The following PIP5K1C variants were observed in gnomAD, a reference collection of about 807,000 sequenced individuals.
PIP5K1C encodes phosphatidylinositol 4-phosphate 5-kinase type-1 gamma.
In PIP5K1C, 45 loss-of-function variants were observed where a neutral mutation model predicts 80.1. The ratio of observed to expected loss-of-function variants is 0.56; its 90% CI spans 0.44 to 0.72. The LOEUF (loss-of-function observed/expected upper bound fraction) is 0.72. PIP5K1C is among the 30% of genes least tolerant of loss of function. The pLI is 0.00. For synonymous variants in PIP5K1C, 498 were observed against 420.1 expected (o/e 1.19, Z -2.27); for missense variants, 753 against 954.6 (o/e 0.79, Z 2.78).
chr19:3,688,456 C>A lies in PIP5K1C; in HGVS notation c.94+11841G>T, dbSNP rs1367025957. Among the ~76,000 whole-genome samples the A allele has an allele frequency of 1.3e-5, 2 of 152,102 alleles. No individual in the cohort carries two copies. Among genetic ancestry groups the A allele is most frequent in the Non-Finnish European group, 1.5e-5 (1 of 67,996 alleles). On this transcript the variant is annotated intron_variant, in intron 1 of 17. Coordinates refer to ENST00000335312, the MANE Select transcript of PIP5K1C (RefSeq NM_012398.3). This position sits in a 1 kb window ranked among gnomAD's most constrained non-coding sequence, Gnocchi z 5.3. ...CCGGAAGGCTATTTCCAGGGCAGCA[C>A]CCCCAGGACTCTGGGGCACACACGT...
At position 3,641,855 on chromosome 19, in the gene PIP5K1C, C is replaced by T. The variant is rs193166807; in HGVS notation, c.1683-46G>A. On this transcript the variant is annotated intron_variant, in intron 14 of 17. Coordinates refer to ENST00000335312, the MANE Select transcript of PIP5K1C (RefSeq NM_012398.3). ...TGCCTCGGTTTCCCTCCTCACTTCCCCCATCCTACCCCCAGGAGTGCCCAG... is the reference window on the plus strand; with the variant it reads ...TGCCTCGGTTTCCCTCCTCACTTCCTCCATCCTACCCCCAGGAGTGCCCAG... 3.8e-5 allele frequency: 56 copies of T among 1,479,988 alleles called. No homozygotes were observed. In the East Asian group the frequency reaches 1.1e-3, roughly 29 times the overall value. 91.7% of individuals were successfully genotyped at this position (1,479,988 alleles called of 1,614,324 possible).
intron 13 of PIP5K1C, 123 bp downstream of exon 13, chr19:3,643,120 A>ATCCACCGTACATACGATGC: frequency 6.8e-7 from 1 of 1,479,930 alleles, no homozygotes; most frequent in South Asian, 1.1e-5. Flanking sequence ...GTGTATGTAC[A>ATCCACCGTACATACGATGC]TCCACCGTAC....
chr19:3,693,295 G>A (rs1006554542), intron 1 of PIP5K1C, among the ~76,000 whole-genome samples: 9 of 152,162 alleles, frequency 5.9e-5, no homozygotes, highest in Non-Finnish European at 1.2e-4. Flanking sequence ...GGGTGCTGGG[G>A]TCCTCTCTTC....
intron 1 of PIP5K1C, among the ~76,000 whole-genome samples, chr19:3,698,951 A>G (rs1274627840): frequency 6.7e-5 from 1 of 14,890 alleles, no homozygotes; most frequent in Admixed American, 4.9e-4. Flanking sequence ...CCACCCCCCC[A>G]CTCCCCCGCT....
chr19:3,657,194 G>A (rs554381591), intron 5 of PIP5K1C, among the ~76,000 whole-genome samples: 1 of 152,210 alleles, frequency 6.6e-6, no homozygotes, highest in South Asian at 2.1e-4. Context: ...CTCAGCCCCT[G>A]CTGTTTGTTT....
Position 3,632,110 on chromosome 19 carries a change from C to CA in PIP5K1C, c.*1056dup, listed in dbSNP as rs1044064607. On this transcript the variant is annotated 3_prime_UTR_variant, in exon 18 of 18. Coordinates refer to ENST00000335312, the MANE Select transcript of PIP5K1C (RefSeq NM_012398.3). ...CTCTTGGAGGGTGATGAGTCGGAAA[C>CA]AAAGTCTTCTCTCCCCTCCTCGGAG... 6.6e-6 allele frequency: 1 copy of CA among 152,310 alleles called. No homozygotes were observed. Among genetic ancestry groups the CA allele is most frequent in the Non-Finnish European group, 1.5e-5 (1 of 68,078 alleles). The allele number at this position is 152,310 out of a possible 1,614,324, so 9.4% of individuals were successfully genotyped here.
In PIP5K1C at chr19:3,688,967, C is replaced by G. The variant is rs567771793; in HGVS notation, c.94+11330G>C. Among the ~76,000 whole-genome samples, 5,166 of 151,130 alleles carry G rather than the reference C, an allele frequency of 0.034. 144 individuals are homozygous for G. Among genetic ancestry groups the G allele is most frequent in the Non-Finnish European group, 0.049 (3,323 of 67,892 alleles). On this transcript the variant is annotated intron_variant, in intron 1 of 17. Transcript: ENST00000335312. This position sits in a 1 kb window ranked among gnomAD's most constrained non-coding sequence, Gnocchi z 5.3. ...GGATGGGGCTGGGGGGTGGGGGGGG[C>G]TTGGCGCACGCGGCCTATGGTCTGT... is the stretch of plus-strand genomic sequence containing the variant.
chr19:3,651,966 G>T lies in PIP5K1C; in HGVS notation c.987C>A (p.His329Gln). Residue 329 changes from histidine to glutamine, a missense_variant, in exon 8 of 18, where the codon CAC becomes CAA. Transcript: ENST00000335312. Reference protein sequence around the residue: ...LLLGVHNIDQHERERQAQGAQ... With the variant: ...LLLGVHNIDQQERERQAQGAQ... The stretch of plus-strand genomic sequence containing the variant: ...CGCCCTGCGCCTGCCGCTCGCGCTC[G>T]TGCTGGTCGATGTTGTGCACGCCCA... 1.9e-6 allele frequency: 3 copies of T among 1,613,106 alleles called. No homozygotes were observed. The highest frequency in any genetic ancestry group is 2.5e-6 in the Non-Finnish European group (3 of 1,179,972).
chr19:3,637,848 C>G lies in PIP5K1C; in HGVS notation c.1920+1036G>C. 3 of 1,535,412 alleles carry G rather than the reference C, an allele frequency of 2.0e-6. 1 individual carries two copies. The East Asian group carries it at 7.3e-5, about 38-fold the overall frequency. On this transcript the variant is annotated intron_variant, in intron 16 of 17. Coordinates refer to ENST00000335312, the MANE Select transcript of PIP5K1C (RefSeq NM_012398.3). This position sits in a 1 kb window ranked among gnomAD's most constrained non-coding sequence, Gnocchi z 7.0. ...ATCAGGACACAGACACACAGCACGA[C>G]ATGGCCCCCAGGCCCCCCGTACCAT... is the stretch of plus-strand genomic sequence containing the variant.
chr19:3,646,918 G>A (rs1391597567), intron 10 of PIP5K1C, among the ~76,000 whole-genome samples: 1 of 151,928 alleles, frequency 6.6e-6, no homozygotes, highest in African/African-American at 2.4e-5. Context: ...GAGGAAGGAT[G>A]GGAGGAGGGG....
chr19:3,656,591 A>C (rs373256178), intron 5 of PIP5K1C, 34 bp from the exon 6 acceptor site: 1 of 1,611,862 alleles, frequency 6.2e-7, no homozygotes, highest in African/African-American at 1.3e-5. Context: ...GCGGGCCCCA[A>C]GCTGCCGGAC....
rs1398094848 is a variant in PIP5K1C at position 3,633,473 on chromosome 19, G to A, written c.1968C>T (p.Ala656=). ...CGCCGTCGGAGGCCGGGGGGGCCTG[G>A]GCGCTATAGTGGAGCGGGGAGTACA... ...SWVYSPLHYS[A]QAPPASDGES... is the part of the protein sequence containing the mutation. The change falls in exon 17 of 18, where the codon GCC becomes GCT. Residue 656 remains alanine (A), a synonymous_variant. Transcript: ENST00000335312. 7.9e-6 allele frequency: 12 copies of A among 1,515,548 alleles called. No individual in the cohort carries two copies. Among genetic ancestry groups the A allele is most frequent in the East Asian group, 2.3e-5 (1 of 43,190 alleles). The allele number at this position is 1,515,548 out of a possible 1,614,324, so 93.9% of individuals were successfully genotyped here.
In PIP5K1C at chr19:3,642,831, G is replaced by C. The variant is rs536680802; in HGVS notation, c.1682+76C>G. On this transcript the variant is annotated intron_variant, in intron 14 of 17. Coordinates refer to ENST00000335312, the MANE Select transcript of PIP5K1C (RefSeq NM_012398.3). ...GAATGGGCAGAGAGCAGAGGGGCTGGGGGGCGGGAAACGGAGCTGGGAGCT... is the reference window on the plus strand; with the variant it reads ...GAATGGGCAGAGAGCAGAGGGGCTGCGGGGCGGGAAACGGAGCTGGGAGCT... 44 of 1,183,846 alleles carry C rather than the reference G, an allele frequency of 3.7e-5. No homozygotes were observed. The South Asian group carries it at 5.0e-4, about 13-fold the overall frequency. The allele number at this position is 1,183,846 out of a possible 1,614,324, so 73.3% of individuals were successfully genotyped here.
At chr19:3,665,060 G>A (rs74471407) in intron 2 of PIP5K1C, 146 bp from the exon 3 acceptor site, 35,485 of 731,898 alleles carry the variant, frequency 0.048, 1,432 homozygotes, top group East Asian at 0.16. Context: ...CGACTCCGGG[G>A]TGCAGCAGGA....
intron 14 of PIP5K1C, among the ~76,000 whole-genome samples, 200 bp downstream of exon 14, chr19:3,642,707 G>C (rs561404957): frequency 6.6e-6 from 1 of 152,128 alleles, no homozygotes; most frequent in South Asian, 2.1e-4. Context: ...CCACAGACCA[G>C]AGCTGCCCTG....
In PIP5K1C at chr19:3,659,545, T is replaced by C. The variant is rs977431688; in HGVS notation, c.468+1421A>G. ...TTCCTGGCCGCCTCACACGGTAGCG[T>C]CCAGGTCACCCGAGGGCCATTTCTA... is the stretch of plus-strand genomic sequence containing the variant. On this transcript the variant is annotated intron_variant, in intron 5 of 17. Transcript: ENST00000335312. Among the ~76,000 whole-genome samples, 5 of 152,264 alleles carry C rather than the reference T, an allele frequency of 3.3e-5. No individual in the cohort carries two copies. The East Asian group carries it at 9.7e-4, about 29-fold the overall frequency.
In PIP5K1C at chr19:3,653,285, C is replaced by T. The variant is rs1347514019; in HGVS notation, c.921+5G>A. On this transcript the variant is annotated splice_donor_5th_base_variant and intron_variant, in intron 7 of 17. Coordinates refer to ENST00000335312, the MANE Select transcript of PIP5K1C (RefSeq NM_012398.3). The stretch of plus-strand genomic sequence containing the variant: ...CTCCCTCCCCGGCCGGGGCCGAGCC[C>T]TCACCAGGCAGTCCCGCTGCAGCGT... 1 of 1,604,920 alleles carries T rather than the reference C, an allele frequency of 6.2e-7. No individual in the cohort carries two copies. The highest frequency in any genetic ancestry group is 1.1e-5 in the South Asian group (1 of 91,070).
At chr19:3,663,815 C>T (rs1428723002) in intron 3 of PIP5K1C, among the ~76,000 whole-genome samples, 3 of 152,184 alleles carry the variant, frequency 2.0e-5, no homozygotes, top group Non-Finnish European at 2.9e-5. Flanking sequence ...GAACAGTTTG[C>T]GAGTTTCTCA....
chr19:3,644,177 C>G lies in PIP5K1C; in HGVS notation c.1420G>C (p.Ala474Pro), dbSNP rs774648219. ...LAVKPLGPTA[A>P]FSASQIPSER... ...CTAGGGATCTGGCTGGCCGAGAAGG[C>G]AGCGGTGGGCCCCAGCGGTTTCACA... The change falls in exon 12 of 18, where the codon GCC becomes CCC. Residue 474 changes from alanine (A) to proline (P), a missense_variant. By Grantham distance (27) the Ala-to-Pro change is conservative. Coordinates refer to ENST00000335312, the MANE Select transcript of PIP5K1C (RefSeq NM_012398.3). The G allele has an allele frequency of 6.2e-7, 1 of 1,612,310 alleles. No individual in the cohort carries two copies. The highest frequency in any genetic ancestry group is 8.5e-7 in the Non-Finnish European group (1 of 1,179,878).
Sources: allele counts gnomAD v4.1 joint callset (sites outside exome capture counted in the v4.1 genomes callset), GRCh38; gene constraint gnomAD v4.1.1; non-coding constraint Gnocchi (gnomAD v3.1); transcripts MANE v1.5; gene names NCBI Gene and HGNC (gene_info 2026-07-23, HGNC 2026-07-21).